EFR3A: variants seen among roughly 807,000 people sequenced by gnomAD.
The protein encoded by EFR3A is protein EFR3 homolog A.
Under a neutral mutation model 104.4 loss-of-function variants are expected in EFR3A, and 76 were observed. The observed-to-expected ratio is 0.73, with a 90% CI of 0.60 to 0.88. The LOEUF (loss-of-function observed/expected upper bound fraction) is 0.88. EFR3A is among the 40% of genes least tolerant of loss of function. The probability of loss-of-function intolerance (pLI) is 0.00; values close to 1 mark genes in which losing one functional copy is unlikely to be tolerated. For synonymous variants in EFR3A, 330 were observed against 330.0 expected (o/e 1.00, Z 0.00); for missense variants, 985 against 1,012.5 (o/e 0.97, Z 0.37).
Position 131,940,558 on chromosome 8 carries a change from T to G in EFR3A, c.70T>G (p.Phe24Val), listed in dbSNP as rs764559759. 2 of 1,609,322 alleles carry G rather than the reference T, an allele frequency of 1.2e-6. No individual in the cohort carries two copies. The highest frequency in any genetic ancestry group is 1.3e-5 in the African/African-American group (1 of 74,742). Residue 24 changes from phenylalanine to valine, a missense_variant, in exon 2 of 23, where the codon TTC becomes GTC. By Grantham distance (50) the Phe-to-Val change is conservative. Coordinates refer to ENST00000254624, the MANE Select transcript of EFR3A (RefSeq NM_015137.6). ...PRYKRLVDNIFPEDPKDGLVK... is the reference protein window; with the variant it reads ...PRYKRLVDNIVPEDPKDGLVK... Reference sequence around the variant, plus strand: ...CTACAAACGCCTGGTGGACAACATATTCCCTGAAGATCCAAAAGTAATTTG... The same window carrying G: ...CTACAAACGCCTGGTGGACAACATAGTCCCTGAAGATCCAAAAGTAATTTG...
intron 1 of EFR3A, among the ~76,000 whole-genome samples, chr8:131,904,959 A>C (rs1365544174): frequency 6.6e-6 from 1 of 152,186 alleles, no homozygotes; most frequent in East Asian, 1.9e-4. Flanking sequence ...TGGGCCCCGG[A>C]GTCTGCATGT....
At chr8:131,926,745 G>A (rs774077088) in intron 1 of EFR3A, among the ~76,000 whole-genome samples, 2 of 152,020 alleles carry the variant, frequency 1.3e-5, no homozygotes, top group Admixed American at 6.6e-5. Context: ...TTAGCCTCCC[G>A]AGTAACTGAG....
intron 1 of EFR3A, among the ~76,000 whole-genome samples, chr8:131,933,623 AT>A (rs1312080171): frequency 6.6e-6 from 1 of 152,026 alleles, no homozygotes; most frequent in Admixed American, 6.6e-5. Flanking sequence ...GTAATATTTA[AT>A]TTTTTTCCAA....
chr8:131,904,186 C>T lies in EFR3A; in HGVS notation c.-127C>T, dbSNP rs1563801084. 3 of 1,080,206 alleles carry T rather than the reference C, an allele frequency of 2.8e-6. No homozygotes were observed. Among genetic ancestry groups the T allele is most frequent in the East Asian group, 6.6e-5 (2 of 30,192 alleles). 66.9% of individuals were successfully genotyped at this position (1,080,206 alleles called of 1,614,324 possible). On this transcript the variant is annotated 5_prime_UTR_variant, in exon 1 of 23. Transcript: ENST00000254624. ...CGGGGTCCGCGTCCGCTCCCTCCAC[C>T]CTTCGCCCTTCGCCCTTCGCCTCGT...
At chr8:131,963,224 G>C (rs1819497070) in intron 8 of EFR3A, among the ~76,000 whole-genome samples, 1 of 152,134 alleles carries the variant, frequency 6.6e-6, no homozygotes, top group African/African-American at 2.4e-5. Flanking sequence ...TAAGATCAGA[G>C]CAGAACTGAA....
chr8:131,978,263 T>A (rs983437600), intron 12 of EFR3A, among the ~76,000 whole-genome samples: 3 of 152,202 alleles, frequency 2.0e-5, no homozygotes, highest in African/African-American at 7.2e-5. Flanking sequence ...ATATATGTTA[T>A]GCTTAAAATG....
intron 8 of EFR3A, among the ~76,000 whole-genome samples, chr8:131,967,917 A>ATG (rs1819839309): frequency 1.3e-5 from 2 of 152,154 alleles, no homozygotes; most frequent in African/African-American, 2.4e-5. Flanking sequence ...GTCCTATTAT[A>ATG]AAAGTTTATA....
At chr8:131,992,282 CA>C (rs955831938) in intron 18 of EFR3A, among the ~76,000 whole-genome samples, 3 of 152,006 alleles carry the variant, frequency 2.0e-5, no homozygotes, top group African/African-American at 7.2e-5. Flanking sequence ...GAAGGAAAAA[CA>C]AAAAATACAG....
chr8:131,943,562 G>A (rs1818269456), intron 2 of EFR3A, among the ~76,000 whole-genome samples: 1 of 151,984 alleles, frequency 6.6e-6, no homozygotes. Context: ...AAACTAGATT[G>A]CTTCACTTTG....
At chr8:131,919,322 G>A (rs150313336) in intron 1 of EFR3A, among the ~76,000 whole-genome samples, 1 of 152,066 alleles carries the variant, frequency 6.6e-6, no homozygotes, top group African/African-American at 2.4e-5. Flanking sequence ...TTTTGGCCGG[G>A]TGCAGTGGCT....
At chr8:131,995,963 C>T (rs181179428) in intron 18 of EFR3A, among the ~76,000 whole-genome samples, 18 of 152,292 alleles carry the variant, frequency 1.2e-4, no homozygotes, top group Admixed American at 2.6e-4. Flanking sequence ...CCCAAACTGT[C>T]ATCCTAGAAC....
intron 16 of EFR3A, among the ~76,000 whole-genome samples, chr8:131,985,837 A>G (rs544976700): frequency 6.6e-6 from 1 of 152,360 alleles, no homozygotes; most frequent in African/African-American, 2.4e-5. Flanking sequence ...GCAAAAGGTA[A>G]TGCAGCAGGT....
chr8:131,964,127 G>C (rs1029379584), intron 8 of EFR3A, among the ~76,000 whole-genome samples: 11 of 152,126 alleles, frequency 7.2e-5, no homozygotes, highest in South Asian at 4.2e-4. Context: ...ACTGAATGGG[G>C]AAAAACTGGA....
intron 4 of EFR3A, among the ~76,000 whole-genome samples, chr8:131,947,060 A>G (rs1586583408): frequency 6.6e-6 from 1 of 152,116 alleles, no homozygotes; most frequent in Admixed American, 6.6e-5. Flanking sequence ...GTATATACTT[A>G]GTAGTGTAAT....
At chr8:132,008,604 C>G (rs779700690) in intron 22 of EFR3A, among the ~76,000 whole-genome samples, 1 of 151,686 alleles carries the variant, frequency 6.6e-6, no homozygotes, top group African/African-American at 2.4e-5. Context: ...AGACCATTTA[C>G]GTGAAGTTTA....
intron 14 of EFR3A, among the ~76,000 whole-genome samples, chr8:131,982,267 A>G (rs1391946970): frequency 6.6e-6 from 1 of 152,120 alleles, no homozygotes; most frequent in Non-Finnish European, 1.5e-5. Flanking sequence ...GAAAGGAACC[A>G]TACATTGTGT....
intron 2 of EFR3A, among the ~76,000 whole-genome samples, chr8:131,942,486 T>G (rs889259878): frequency 6.6e-6 from 1 of 152,038 alleles, no homozygotes; most frequent in African/African-American, 2.4e-5. Context: ...CTTGGGCAAG[T>G]CCCTTGTTTT....
intron 8 of EFR3A, among the ~76,000 whole-genome samples, chr8:131,965,505 A>T (rs1819654595): frequency 6.6e-6 from 1 of 152,264 alleles, no homozygotes; most frequent in Admixed American, 6.5e-5. Flanking sequence ...TCAAAACCAC[A>T]ATGAGATACC....
intron 8 of EFR3A, among the ~76,000 whole-genome samples, chr8:131,967,312 A>T (rs189371592): frequency 6.6e-6 from 1 of 152,234 alleles, no homozygotes; most frequent in East Asian, 1.9e-4. Flanking sequence ...TACTTGATAG[A>T]GAAGGAGGGG....
Sources: allele counts gnomAD v4.1 joint callset (sites outside exome capture counted in the v4.1 genomes callset), GRCh38; gene constraint gnomAD v4.1.1; transcripts MANE v1.5; gene names NCBI Gene and HGNC (gene_info 2026-07-23, HGNC 2026-07-21).